The following PDE1A variants were observed in gnomAD, a reference collection of about 807,000 sequenced individuals.
PDE1A encodes dual specificity calcium/calmodulin-dependent 3',5'-cyclic nucleotide phosphodiesterase 1A.
In PDE1A, 35 loss-of-function variants were observed where a neutral mutation model predicts 61.7. That is an observed-to-expected ratio of 0.57 (90% confidence interval 0.43 to 0.75). The LOEUF (loss-of-function observed/expected upper bound fraction) is 0.75. PDE1A is among the 30% of genes least tolerant of loss of function. The pLI, the probability that PDE1A is intolerant of heterozygous loss-of-function variation, is 0.00. For synonymous variants in PDE1A, 232 were observed against 213.2 expected (o/e 1.09, Z -0.77); for missense variants, 597 against 630.6 (o/e 0.95, Z 0.57).
At chr2:182,304,974 A>C (rs1695483644) in intron 1 of PDE1A, among the ~76,000 whole-genome samples, 1 of 152,172 alleles carries the variant, frequency 6.6e-6, no homozygotes, top group Non-Finnish European at 1.5e-5. Context: ...TTAGTATATA[A>C]AGACCCCAAC....
chr2:182,425,038 C>A (rs1338454723), intron 1 of PDE1A, among the ~76,000 whole-genome samples: 1 of 152,194 alleles, frequency 6.6e-6, no homozygotes, highest in Admixed American at 6.5e-5. Flanking sequence ...TTGCAATCCA[C>A]CTTCCCCATA....
At chr2:182,190,059 A>G (rs998760471) in intron 10 of PDE1A, among the ~76,000 whole-genome samples, 20 of 152,216 alleles carry the variant, frequency 1.3e-4, no homozygotes, top group African/African-American at 4.8e-4. Flanking sequence ...ACATCTTTCT[A>G]TGCTAATCTT....
chr2:182,255,562 T>G (rs1691714107), intron 2 of PDE1A, among the ~76,000 whole-genome samples: 1 of 152,214 alleles, frequency 6.6e-6, no homozygotes, highest in African/African-American at 2.4e-5. Flanking sequence ...CTTTCGGATT[T>G]TACAATGCTA....
intron 2 of PDE1A, among the ~76,000 whole-genome samples, chr2:182,510,608 C>T (rs776139894): frequency 3.3e-5 from 5 of 152,144 alleles, no homozygotes; most frequent in Non-Finnish European, 7.4e-5. Flanking sequence ...CTGTTGTGAA[C>T]CAGGCTCAGG....
chr2:182,580,159 G>A, the PDE1A span, among the ~76,000 whole-genome samples: 1 of 152,140 alleles, frequency 6.6e-6, no homozygotes, highest in South Asian at 2.1e-4. Flanking sequence ...TGGTTGGATT[G>A]TGTTGGCCAA....
intron 2 of PDE1A, among the ~76,000 whole-genome samples, chr2:182,513,465 CA>C (rs1430760965): frequency 1.3e-5 from 2 of 152,134 alleles, no homozygotes; most frequent in African/African-American, 4.8e-5. Flanking sequence ...AACATAGCAA[CA>C]AAAAACTGTT....
intron 1 of PDE1A, among the ~76,000 whole-genome samples, chr2:182,295,860 A>G (rs1694850332): frequency 6.6e-6 from 1 of 152,186 alleles, no homozygotes; most frequent in South Asian, 2.1e-4. Flanking sequence ...TTATAAGGAA[A>G]AGAAATTAGA....
chr2:182,205,896 C>A, intron 8 of PDE1A, 44 bp downstream of exon 8: 1 of 1,552,280 alleles, frequency 6.4e-7, no homozygotes, highest in Non-Finnish European at 8.8e-7. Flanking sequence ...TAATTTATTC[C>A]TTTCCTGAAA....
chr2:182,707,855 AG>A, the PDE1A span, among the ~76,000 whole-genome samples: 1 of 152,172 alleles, frequency 6.6e-6, no homozygotes, highest in African/African-American at 2.4e-5. Context: ...GAGGCTGGAA[AG>A]GGTAGCAGGG....
the PDE1A span, among the ~76,000 whole-genome samples, chr2:182,616,165 T>C: frequency 6.6e-6 from 1 of 152,236 alleles, no homozygotes; most frequent in East Asian, 1.9e-4. Context: ...GCACAGTGGC[T>C]AGAATAAGGC....
chr2:182,707,024 G>A, the PDE1A span, among the ~76,000 whole-genome samples: 3 of 152,186 alleles, frequency 2.0e-5, no homozygotes, highest in South Asian at 6.2e-4. Context: ...CTTTGAGGGA[G>A]ATACTAGTTT....
chr2:182,432,279 A>C (rs1703990034), intron 2 of PDE1A, among the ~76,000 whole-genome samples: 1 of 152,156 alleles, frequency 6.6e-6, no homozygotes, highest in Non-Finnish European at 1.5e-5. Flanking sequence ...TAAACTCTGT[A>C]GTCATTTTTA....
At chr2:182,595,780 G>A in the PDE1A span, among the ~76,000 whole-genome samples, 1 of 152,190 alleles carries the variant, frequency 6.6e-6, no homozygotes, top group Non-Finnish European at 1.5e-5. Flanking sequence ...AGGGTGATTT[G>A]TCTGCTTTCA....
rs754832929 is a variant in PDE1A at position 182,201,671 on chromosome 2, A to G, written c.1004+17T>C. 1.3e-6 allele frequency: 2 copies of G among 1,557,812 alleles called. No individual in the cohort carries two copies. The highest frequency in any genetic ancestry group is 2.1e-5 in the Admixed American group (1 of 47,722). ...ATGACAAAAAAAAAAAAACAACAAA[A>G]AAAACACAAAACCTACCCTTCAGGC... is the stretch of plus-strand genomic sequence containing the variant. On this transcript the variant is annotated intron_variant, in intron 9 of 13. Coordinates refer to ENST00000351439, the Ensembl canonical transcript of PDE1A.
At chr2:182,391,800 T>C (rs1343049483) in intron 1 of PDE1A, among the ~76,000 whole-genome samples, 2 of 152,218 alleles carry the variant, frequency 1.3e-5, no homozygotes, top group Non-Finnish European at 2.9e-5. Context: ...AGCTCTGGCA[T>C]TGGCTAATTA....
the PDE1A span, among the ~76,000 whole-genome samples, chr2:182,679,116 T>C: frequency 6.7e-6 from 1 of 149,524 alleles, no homozygotes; most frequent in African/African-American, 2.5e-5. Flanking sequence ...GTGATTCTCA[T>C]GCCTCAGCCT....
the PDE1A span, among the ~76,000 whole-genome samples, chr2:182,695,187 C>T: frequency 4.6e-5 from 7 of 152,014 alleles, no homozygotes; most frequent in Non-Finnish European, 1.0e-4. Context: ...CCACTGCATC[C>T]TAACAACAAG....
intron 1 of PDE1A, among the ~76,000 whole-genome samples, chr2:182,354,968 T>G (rs1699093197): frequency 6.6e-6 from 1 of 152,070 alleles, no homozygotes; most frequent in African/African-American, 2.4e-5. Context: ...CTAGAGAACT[T>G]TTGATCCATA....
At chr2:182,308,873 A>T (rs756127150) in intron 1 of PDE1A, among the ~76,000 whole-genome samples, 1 of 152,104 alleles carries the variant, frequency 6.6e-6, no homozygotes, top group Non-Finnish European at 1.5e-5. Context: ...CAAAGCACAC[A>T]TACAAGCTGA....
Sources: allele counts gnomAD v4.1 joint callset (sites outside exome capture counted in the v4.1 genomes callset), GRCh38; gene constraint gnomAD v4.1.1; transcripts MANE v1.5; gene names NCBI Gene and HGNC (gene_info 2026-07-23, HGNC 2026-07-21).